TRPM7: variants seen among roughly 807,000 people sequenced by gnomAD.
TRPM7 encodes the protein transient receptor potential cation channel subfamily M member 7.
A neutral mutation model predicts 229.7 loss-of-function variants in TRPM7; 134 were observed. That is an observed-to-expected ratio of 0.58 (90% CI 0.51 to 0.67). The LOEUF (loss-of-function observed/expected upper bound fraction) is 0.67, where lower values mean the gene tolerates loss of function less well. Ranked by LOEUF, TRPM7 falls within the 30% of genes least tolerant of loss-of-function variation. TRPM7 has a pLI of 0.00. For missense variants in TRPM7, 1,901 were observed against 2,210.0 expected (o/e 0.86, Z 2.80); for synonymous variants, 699 against 715.2 (o/e 0.98, Z 0.36).
chr15:50,635,291 C>G (rs541051248), intron 7 of TRPM7, among the ~76,000 whole-genome samples: 3 of 133,142 alleles, frequency 2.3e-5, no homozygotes, highest in Admixed American at 8.3e-5. Context: ...GCACTCCAGC[C>G]TGGTGACAGA....
chr15:50,620,927 C>T (rs1305582947), intron 12 of TRPM7, among the ~76,000 whole-genome samples: 1 of 120,476 alleles, frequency 8.3e-6, no homozygotes, highest in Non-Finnish European at 1.9e-5. Flanking sequence ...AGTGAAACTC[C>T]ATCCCCCAAA....
chr15:50,614,271 C>T lies in TRPM7; in HGVS notation c.1495-8G>A. ...TCCTGGAGGAAGATTTCCCTAGAAA[C>T]AAAACATTTGTTTTAAATAGATCAG... On this transcript the variant is annotated splice_region_variant and splice_polypyrimidine_tract_variant and intron_variant, in intron 13 of 38. Transcript: ENST00000646667. 6.3e-7 allele frequency: 1 copy of T among 1,596,080 alleles called. No individual in the cohort carries two copies. Among genetic ancestry groups the T allele is most frequent in the Non-Finnish European group, 8.5e-7 (1 of 1,173,566 alleles).
intron 13 of TRPM7, among the ~76,000 whole-genome samples, chr15:50,615,829 G>A (rs1261307343): frequency 6.6e-6 from 1 of 152,076 alleles, no homozygotes; most frequent in Non-Finnish European, 1.5e-5. Context: ...CCAGGATGCG[G>A]AAGTTGCAGT....
Position 50,592,497 on chromosome 15 carries a change from T to C in TRPM7, c.3738A>G (p.Leu1246=). The C allele has an allele frequency of 6.2e-7, 1 of 1,614,154 alleles. No individual in the cohort carries two copies. Among genetic ancestry groups the C allele is most frequent in the Admixed American group, 1.7e-5 (1 of 60,024 alleles). The change falls in exon 26 of 39, where the codon TTA becomes TTG. Residue 1246 remains leucine, a synonymous_variant. Transcript: ENST00000646667. ...QDLSALTVDT[L]KTLTAQKASE... ...ACGCTTTCTGGGCAGTGAGTGTTTT[T>C]AATGTATCTACCGTCAGGGCTGAAA...
chr15:50,587,144 T>A (rs2059364617), intron 27 of TRPM7, among the ~76,000 whole-genome samples: 1 of 152,218 alleles, frequency 6.6e-6, no homozygotes. Context: ...ATCTTACATG[T>A]ATCTTGACAC....
chr15:50,579,489 A>C (rs1384670015), intron 30 of TRPM7, among the ~76,000 whole-genome samples: 1 of 151,696 alleles, frequency 6.6e-6, no homozygotes, highest in Non-Finnish European at 1.5e-5. Flanking sequence ...CTAATCAATC[A>C]CTCTTTTCTC....
Position 50,612,719 on chromosome 15 carries a change from A to G in TRPM7, c.1881T>C (p.Ile627=), listed in dbSNP as rs375553874. The stretch of plus-strand genomic sequence containing the variant: ...CCTGCCTCTTCATAAGGCAAGCCCA[A>G]ATTAAAAGTTCATTAAGTGGATAAG... The part of the protein sequence containing the change: ...RFPYPLNELL[I]WACLMKRQVM... The change falls in exon 16 of 39, where the codon ATT becomes ATC. Residue 627 remains isoleucine (I), a synonymous_variant. Transcript: ENST00000646667. 1.4e-5 allele frequency: 23 copies of G among 1,614,068 alleles called. No individual in the cohort carries two copies. The highest frequency in any genetic ancestry group is 1.9e-5 in the Non-Finnish European group (22 of 1,180,020).
chr15:50,593,906 T>A (rs192894052), intron 24 of TRPM7, among the ~76,000 whole-genome samples, 157 bp from the exon 25 acceptor site: 2 of 152,342 alleles, frequency 1.3e-5, no homozygotes, highest in South Asian at 2.1e-4. Flanking sequence ...TAGACAATTA[T>A]CTTTCTTTTT....
At chr15:50,575,214 A>G (rs1019271067) in intron 33 of TRPM7, 79 bp from the exon 34 acceptor site, 8 of 1,276,322 alleles carry the variant, frequency 6.3e-6, no homozygotes, top group Non-Finnish European at 8.6e-6. Flanking sequence ...ATTAGCAGGC[A>G]TCTTTGATTA....
chr15:50,656,288 G>A (rs1217838452), intron 3 of TRPM7, among the ~76,000 whole-genome samples: 2 of 151,916 alleles, frequency 1.3e-5, no homozygotes, highest in Non-Finnish European at 1.5e-5. Flanking sequence ...ATGAAAGACT[G>A]TCAGGTCTTT....
intron 5 of TRPM7, among the ~76,000 whole-genome samples, chr15:50,642,761 C>T (rs1392848365): frequency 6.6e-6 from 1 of 152,090 alleles, no homozygotes; most frequent in Admixed American, 6.6e-5. Flanking sequence ...CAGACTAATA[C>T]AGTAAATAAG....
At chr15:50,569,688 A>T (rs2053776378) in intron 38 of TRPM7, among the ~76,000 whole-genome samples, 199 bp downstream of exon 38, 1 of 152,216 alleles carries the variant, frequency 6.6e-6, no homozygotes, top group South Asian at 2.1e-4. Flanking sequence ...TAATATATTA[A>T]ATTAATGAAC....
chr15:50,651,337 A>G (rs1419392452), intron 3 of TRPM7, among the ~76,000 whole-genome samples: 1 of 152,224 alleles, frequency 6.6e-6, no homozygotes, highest in African/African-American at 2.4e-5. Context: ...ATTATAAATG[A>G]GCTCCAACTA....
intron 1 of TRPM7, among the ~76,000 whole-genome samples, chr15:50,684,036 G>A (rs1451070224): frequency 1.3e-5 from 2 of 151,964 alleles, no homozygotes; most frequent in Non-Finnish European, 2.9e-5. Context: ...ATTTTTAGTA[G>A]AGACGGGGTT....
intron 38 of TRPM7, among the ~76,000 whole-genome samples, chr15:50,566,672 G>C (rs1191514702): frequency 1.3e-5 from 2 of 152,068 alleles, no homozygotes; most frequent in African/African-American, 4.8e-5. Context: ...CTCCAGCCTG[G>C]TGACAGAGTG....
At chr15:50,648,978 T>G in intron 3 of TRPM7, 93 bp from the exon 4 acceptor site, 1 of 854,154 alleles carries the variant, frequency 1.2e-6, no homozygotes, top group East Asian at 2.9e-5. Flanking sequence ...AAATATAAGC[T>G]TTAAAATTTT....
intron 27 of TRPM7, 50 bp downstream of exon 27, chr15:50,589,542 A>C (rs1045802130): frequency 7.8e-7 from 1 of 1,276,488 alleles, no homozygotes; most frequent in Admixed American, 2.1e-5. Flanking sequence ...CTAAACATCA[A>C]GACAGTAAAA....
At chr15:50,643,815 C>T (rs1162940413) in intron 4 of TRPM7, among the ~76,000 whole-genome samples, 2 of 152,160 alleles carry the variant, frequency 1.3e-5, no homozygotes, top group African/African-American at 4.8e-5. Context: ...TCTGTTTAAA[C>T]TCAATTACCA....
chr15:50,573,021 C>T (rs974334775), intron 36 of TRPM7, among the ~76,000 whole-genome samples: 3 of 152,228 alleles, frequency 2.0e-5, no homozygotes, highest in Non-Finnish European at 4.4e-5. Context: ...GCAGACATTA[C>T]TCCAAGCAAA....
Sources: allele counts gnomAD v4.1 joint callset (sites outside exome capture counted in the v4.1 genomes callset), GRCh38; gene constraint gnomAD v4.1.1; transcripts MANE v1.5; gene names NCBI Gene and HGNC (gene_info 2026-07-23, HGNC 2026-07-21).